Variants in ERBB2 observed in about 807,000 individuals in gnomAD.
The protein encoded by ERBB2 is receptor tyrosine-protein kinase erbB-2.
ERBB2 carries 61 observed loss-of-function variants against 149.0 expected under a neutral mutation model. The observed-to-expected ratio is 0.41, with a 90% CI of 0.33 to 0.51. The LOEUF (loss-of-function observed/expected upper bound fraction) is 0.51, where lower values mean the gene tolerates loss of function less well. Among genes scored for constraint, ERBB2 ranks in the 20% least tolerant of loss-of-function variants. The pLI is 0.25. For missense variants in ERBB2, 1,205 were observed against 1,655.1 expected, an observed-to-expected ratio of 0.73 and a Z score of 4.72; for synonymous variants, 633 against 678.8, an observed-to-expected ratio of 0.93 and a Z score of 1.05.
chr17:39,715,746 C>A lies in ERBB2; in HGVS notation c.1320C>A (p.Ala440=), dbSNP rs780294548. ...VIRGRILHNG[A]YSLTLQGLGI... is the part of the protein sequence containing the mutation. ...GCCCACCTTTCTCCCATAGTGGCGC[C>A]TACTCGCTGACCCTGCAAGGGCTGG... Residue 440 remains alanine (A), a synonymous_variant, in exon 12 of 27, where the codon GCC becomes GCA. Coordinates refer to ENST00000269571, the MANE Select transcript of ERBB2 (RefSeq NM_004448.4). 1.2e-6 allele frequency: 2 copies of A among 1,606,218 alleles called. No individual in the cohort carries two copies. The highest frequency in any genetic ancestry group is 1.3e-5 in the African/African-American group (1 of 74,932).
Position 39,725,780 on chromosome 17 carries a change from C to G in ERBB2, c.2799C>G (p.Asp933Glu), listed in dbSNP as rs1324255598. 1 of 1,613,692 alleles carries G rather than the reference C, an allele frequency of 6.2e-7. No homozygotes were observed. The highest frequency in any genetic ancestry group is 1.7e-5 in the Admixed American group (1 of 59,822). Reference sequence around the variant, plus strand: ...GGATCCCAGCCCGGGAGATCCCTGACCTGCTGGAAAAGGGGGAGCGGCTGC... The same window carrying G: ...GGATCCCAGCCCGGGAGATCCCTGAGCTGCTGGAAAAGGGGGAGCGGCTGC... ...YDGIPAREIP[D>E]LLEKGERLPQ... Residue 933 changes from aspartate (D) to glutamate (E), a missense_variant, in exon 23 of 27, where the codon GAC becomes GAG. Physicochemically the swap from Asp to Glu is conservative, Grantham distance 45. Transcript: ENST00000269571. This position sits in a 1 kb window ranked among gnomAD's most constrained non-coding sequence, Gnocchi z 4.6.
rs147076339 is a variant in ERBB2, at chr17:39,715,893, G to T, written c.1467G>T (p.Pro489=). The T allele has an allele frequency of 6.2e-7, 1 of 1,612,106 alleles. No homozygotes were observed. Among genetic ancestry groups the T allele is most frequent in the Non-Finnish European group, 8.5e-7 (1 of 1,180,014 alleles). The change falls in exon 12 of 27, where the codon CCG becomes CCT. Residue 489 remains proline, a synonymous_variant. Transcript: ENST00000269571. ...TVPWDQLFRN[P]HQALLHTANR... ...CCTGGGACCAGCTCTTTCGGAACCC[G>T]CACCAAGCTCTGCTCCACACTGCCA... is the stretch of plus-strand genomic sequence containing the variant.
At chr17:39,716,001 G>T (rs905861369) in intron 12 of ERBB2, 62 bp downstream of exon 12, 3 of 1,514,884 alleles carry the variant, frequency 2.0e-6, no homozygotes, top group Admixed American at 1.8e-5. Context: ...TGCCCAGGGG[G>T]CCCTGGCAGC....
In ERBB2 at chr17:39,726,063, G is replaced by A; in HGVS notation, c.2872+210G>A. 1.8e-6 allele frequency: 1 copy of A among 555,914 alleles called. No individual in the cohort carries two copies. The highest frequency in any genetic ancestry group is 2.4e-5 in the South Asian group (1 of 42,296). 34.4% of individuals were successfully genotyped at this position (555,914 alleles called of 1,614,324 possible). A position where few individuals can be genotyped will look rare whatever the true frequency, so the allele number is the denominator to read the frequency against. On this transcript the variant is annotated intron_variant, in intron 23 of 26. Transcript: ENST00000269571. This position sits in a 1 kb window ranked among gnomAD's most constrained non-coding sequence, Gnocchi z 5.1. Reference sequence around the variant, plus strand: ...CTTGTACAAAATTAAGCTGGGCACAGTGGCTCATGCCTGTAATCCCAGTAC... The same window carrying A: ...CTTGTACAAAATTAAGCTGGGCACAATGGCTCATGCCTGTAATCCCAGTAC...
intron 16 of ERBB2, among the ~76,000 whole-genome samples, chr17:39,722,776 C>A (rs553993101): frequency 1.3e-5 from 2 of 151,610 alleles, no homozygotes; most frequent in Non-Finnish European, 2.9e-5. Flanking sequence ...AGTGCAGTGG[C>A]ACAATCTCAG....
Position 39,719,899 on chromosome 17 carries a change from C to A in ERBB2, c.1946+65C>A, listed in dbSNP as rs2145752515. 4 of 1,516,356 alleles carry A rather than the reference C, an allele frequency of 2.6e-6. No individual in the cohort carries two copies. In the South Asian group the frequency reaches 4.5e-5, roughly 17 times the overall value. 93.9% of individuals were successfully genotyped at this position (1,516,356 alleles called of 1,614,324 possible). ...ACTCCCCCACTGGATGCTGGGTGGT[C>A]ACTGCTGTAGGGAGGGGACCCCCTG... On this transcript the variant is annotated intron_variant, in intron 16 of 26. Transcript: ENST00000269571.
At position 39,709,379 on chromosome 17, in the gene ERBB2, T is replaced by C. The variant is rs2145473524; in HGVS notation, c.501T>C (p.Ile167=). ...RNPQLCYQDT[I]LWKDIFHKNN... Reference sequence around the variant, plus strand: ...CCCAGCTCTGCTACCAGGACACGATTTTGTGGAAGGACATCTTCCACAAGA... The same window carrying C: ...CCCAGCTCTGCTACCAGGACACGATCTTGTGGAAGGACATCTTCCACAAGA... Residue 167 remains isoleucine, a synonymous_variant, in exon 4 of 27, where the codon ATT becomes ATC. Coordinates refer to ENST00000269571, the MANE Select transcript of ERBB2 (RefSeq NM_004448.4). 1.2e-6 allele frequency: 2 copies of C among 1,614,000 alleles called. No homozygotes were observed. The highest frequency in any genetic ancestry group is 8.5e-7 in the Non-Finnish European group (1 of 1,179,972).
At position 39,726,319 on chromosome 17, in the gene ERBB2, C is replaced by G. The variant is rs143319500; in HGVS notation, c.2873-243C>G. 5.2e-3 allele frequency: 2,752 copies of G among 525,840 alleles called. 16 individuals are homozygous for G. Among genetic ancestry groups the G allele is most frequent in the Non-Finnish European group, 7.7e-3 (2,252 of 292,514 alleles). The allele number at this position is 525,840 out of a possible 1,614,324, so 32.6% of individuals were successfully genotyped here. ...CTGAAATCCAGCCTGGGTGACAGAG[C>G]GAAACCTCATCTCAAAAAAATAAAA... On this transcript the variant is annotated intron_variant, in intron 23 of 26. Transcript: ENST00000269571. The surrounding 1 kb of genome is among the most constrained non-coding windows in gnomAD (Gnocchi z 5.1).
chr17:39,714,917 G>A (rs1229964957), intron 9 of ERBB2, among the ~76,000 whole-genome samples: 4 of 151,668 alleles, frequency 2.6e-5, no homozygotes, highest in Non-Finnish European at 2.9e-5. Flanking sequence ...CTATAGGCGC[G>A]CGGCACCACA....
chr17:39,725,788 A>C lies in ERBB2; in HGVS notation c.2807A>C (p.Glu936Ala). 1 of 1,613,186 alleles carries C rather than the reference A, an allele frequency of 6.2e-7. No homozygotes were observed. The highest frequency in any genetic ancestry group is 1.3e-5 in the African/African-American group (1 of 74,940). ...IPAREIPDLL[E>A]KGERLPQPPI... ...GCCCGGGAGATCCCTGACCTGCTGG[A>C]AAAGGGGGAGCGGCTGCCCCAGCCC... Residue 936 changes from glutamate to alanine, a missense_variant, in exon 23 of 27, where the codon GAA (glutamate) becomes GCA (alanine). This residue lies in a region of ERBB2 where 63 missense variants were observed against 74.2 expected (regional missense o/e 0.85). Coordinates refer to ENST00000269571, the MANE Select transcript of ERBB2 (RefSeq NM_004448.4). This position sits in a 1 kb window ranked among gnomAD's most constrained non-coding sequence, Gnocchi z 4.6.
rs1389509223 is a variant in ERBB2, at chr17:39,728,232, C to T, written c.*188C>T. The T allele has an allele frequency of 2.0e-5, 11 of 540,528 alleles. No individual in the cohort carries two copies. Among genetic ancestry groups the T allele is most frequent in the Non-Finnish European group, 3.6e-5 (11 of 303,704 alleles). 33.5% of individuals were successfully genotyped at this position (540,528 alleles called of 1,614,324 possible). A position where few individuals can be genotyped will look rare whatever the true frequency, so the allele number is the denominator to read the frequency against. On this transcript the variant is annotated 3_prime_UTR_variant, in exon 27 of 27. Coordinates refer to ENST00000269571, the MANE Select transcript of ERBB2 (RefSeq NM_004448.4). ...CAGATGGCTGGAAGGGGTCCAGCCT[C>T]GTTGGAAGAGGAACAGCACTGGGGA...
At position 39,717,315 on chromosome 17, in the gene ERBB2, C is replaced by G. The variant is rs749633839; in HGVS notation, c.1738-5C>G. 290 of 1,601,814 alleles carry G rather than the reference C, an allele frequency of 1.8e-4. No homozygotes were observed. Among genetic ancestry groups the G allele is most frequent in the Admixed American group, 2.5e-4 (15 of 59,234 alleles). On this transcript the variant is annotated splice_polypyrimidine_tract_variant and splice_region_variant and intron_variant, in intron 14 of 26. Coordinates refer to ENST00000269571, the MANE Select transcript of ERBB2 (RefSeq NM_004448.4). ...CCCCCCACAAATCTTTTCTGCCCCCCCCAGGAGGCTGACCAGTGTGTGGCC... is the reference window on the plus strand; with the variant it reads ...CCCCCCACAAATCTTTTCTGCCCCCGCCAGGAGGCTGACCAGTGTGTGGCC...
At chr17:39,708,856 C>T (rs2058623543) in intron 3 of ERBB2, among the ~76,000 whole-genome samples, 1 of 152,146 alleles carries the variant, frequency 6.6e-6, no homozygotes, top group Non-Finnish European at 1.5e-5. Context: ...AGTCTGGGTG[C>T]CAGGTGCTTT....
At chr17:39,697,841 C>T (rs2057902748), upstream of ERBB2, among the ~76,000 whole-genome samples, 1 of 152,000 alleles carries the variant, frequency 6.6e-6, no homozygotes, top group African/African-American at 2.4e-5. Context: ...TTACAGGTGC[C>T]TGCCACCACA....
rs1339699654 is a variant in ERBB2 at position 39,727,091 on chromosome 17, A to C, written c.3159+88A>C. On this transcript the variant is annotated intron_variant, in intron 25 of 26. Coordinates refer to ENST00000269571, the MANE Select transcript of ERBB2 (RefSeq NM_004448.4). This position sits in a 1 kb window ranked among gnomAD's most constrained non-coding sequence, Gnocchi z 4.3. ...GGTCCCTTTCTCTGATGTTCCCTCA[A>C]CTGTCACCTCTCAAGGAAACCCCAT... 3.0e-6 allele frequency: 4 copies of C among 1,329,944 alleles called. No individual in the cohort carries two copies. In the African/African-American group the frequency reaches 5.9e-5, roughly 20 times the overall value. 82.4% of individuals were successfully genotyped at this position (1,329,944 alleles called of 1,614,324 possible).
At position 39,728,255 on chromosome 17, in the gene ERBB2, G is replaced by A; in HGVS notation, c.*211G>A. On this transcript the variant is annotated 3_prime_UTR_variant, in exon 27 of 27. Coordinates refer to ENST00000269571, the MANE Select transcript of ERBB2 (RefSeq NM_004448.4). ...CTCGTTGGAAGAGGAACAGCACTGG[G>A]GAGTCTTTGTGGATTCTGAGGCCCT... 1 of 498,798 alleles carries A rather than the reference G, an allele frequency of 2.0e-6. No individual in the cohort carries two copies. Among genetic ancestry groups the A allele is most frequent in the Non-Finnish European group, 3.6e-6 (1 of 279,826 alleles). The allele number at this position is 498,798 out of a possible 1,614,324, so 30.9% of individuals were successfully genotyped here. A position where few individuals can be genotyped will look rare whatever the true frequency, so the allele number is the denominator to read the frequency against.
Position 39,726,282 on chromosome 17 carries a change from A to G in ERBB2, c.2873-280A>G. On this transcript the variant is annotated intron_variant, in intron 23 of 26. Coordinates refer to ENST00000269571, the MANE Select transcript of ERBB2 (RefSeq NM_004448.4). This position sits in a 1 kb window ranked among gnomAD's most constrained non-coding sequence, Gnocchi z 5.1. Reference sequence around the variant, plus strand: ...GCCTAGTTTAAGGTTGCAGTAAGCTATGATTGCACCACTGAAATCCAGCCT... The same window carrying G: ...GCCTAGTTTAAGGTTGCAGTAAGCTGTGATTGCACCACTGAAATCCAGCCT... 1 of 488,322 alleles carries G rather than the reference A, an allele frequency of 2.0e-6. No homozygotes were observed. Among genetic ancestry groups the G allele is most frequent in the Non-Finnish European group, 3.7e-6 (1 of 269,798 alleles). 30.2% of individuals were successfully genotyped at this position (488,322 alleles called of 1,614,324 possible).
At chr17:39,688,101 A>T (rs563212698), upstream of ERBB2, 47 of 1,193,388 alleles carry the variant, frequency 3.9e-5, no homozygotes, top group Non-Finnish European at 5.0e-5. Context: ...TGTGTTCTTT[A>T]TTCTACTCTC....
In ERBB2 at chr17:39,708,513, C is replaced by A. The variant is rs2145446676; in HGVS notation, c.418C>A (p.Leu140Met). The A allele has an allele frequency of 6.2e-7, 1 of 1,614,024 alleles. No individual in the cohort carries two copies. The highest frequency in any genetic ancestry group is 8.5e-7 in the Non-Finnish European group (1 of 1,179,916). ...GGCCTCCCCAGGAGGCCTGCGGGAG[C>A]TGCAGCTTCGAAGCCTCACAGGTGG... Reference protein sequence around the residue: ...TGASPGGLRELQLRSLTEILK... With the variant: ...TGASPGGLREMQLRSLTEILK... The change falls in exon 3 of 27, where the codon CTG becomes ATG. Residue 140 changes from leucine (L) to methionine (M), a missense_variant. By Grantham distance (15) the Leu-to-Met change is conservative. Transcript: ENST00000269571.
Sources: allele counts gnomAD v4.1 joint callset (sites outside exome capture counted in the v4.1 genomes callset), GRCh38; gene constraint gnomAD v4.1.1; regional missense constraint gnomAD v4.1.1; non-coding constraint Gnocchi (gnomAD v3.1); transcripts MANE v1.5; gene names NCBI Gene and HGNC (gene_info 2026-07-23, HGNC 2026-07-21).